Variants in TOM1L2 observed in about 807,000 individuals in gnomAD.
The protein encoded by TOM1L2 is target of myb1 like 2 membrane trafficking protein.
TOM1L2 carries 31 observed loss-of-function variants against 67.9 expected under a neutral mutation model. The observed-to-expected ratio is 0.46, with a 90% CI of 0.34 to 0.62. The LOEUF is 0.62. Ranked by LOEUF, TOM1L2 falls within the 20% of genes least tolerant of loss-of-function variation. The pLI is 0.01. For synonymous variants in TOM1L2, 256 were observed against 254.0 expected (o/e 1.01, Z -0.07); for missense variants, 606 against 663.5 (o/e 0.91, Z 0.95).
At chr17:17,884,879 A>G (rs955919743) in intron 4 of TOM1L2, 111 bp from the exon 5 acceptor site, 9 of 1,410,566 alleles carry the variant, frequency 6.4e-6, no homozygotes, top group African/African-American at 4.2e-5. Flanking sequence ...CTACTTGCAC[A>G]TGCAAATTGC....
intron 1 of TOM1L2, among the ~76,000 whole-genome samples, chr17:17,971,204 A>G (rs780267534): frequency 6.6e-6 from 1 of 152,180 alleles, no homozygotes; most frequent in Non-Finnish European, 1.5e-5. Context: ...AGCAACAGTC[A>G]ATGTGCAGAG....
At chr17:17,848,203 G>T (rs2035757672) in intron 14 of TOM1L2, among the ~76,000 whole-genome samples, 1 of 152,204 alleles carries the variant, frequency 6.6e-6, no homozygotes, top group Non-Finnish European at 1.5e-5. Context: ...GGGGAGGGGG[G>T]AGTGCCCCAT....
intron 1 of TOM1L2, among the ~76,000 whole-genome samples, chr17:17,921,853 C>T (rs748739941): frequency 1.5e-4 from 23 of 152,172 alleles, no homozygotes; most frequent in Non-Finnish European, 3.2e-4. Context: ...CTCCCAGGGG[C>T]TGTTCCCCTC....
chr17:17,929,364 G>A (rs749491298), intron 1 of TOM1L2, among the ~76,000 whole-genome samples: 4 of 152,194 alleles, frequency 2.6e-5, no homozygotes, highest in African/African-American at 7.2e-5. Context: ...GAGCCTGGGC[G>A]TGGTGGCTCA....
intron 13 of TOM1L2, among the ~76,000 whole-genome samples, chr17:17,849,481 C>T (rs889018430): frequency 1.5e-4 from 23 of 152,350 alleles, no homozygotes; most frequent in African/African-American, 3.1e-4. Flanking sequence ...CCTCCCGTGG[C>T]CCAGATTATA....
chr17:17,955,292 G>C, intron 1 of TOM1L2, among the ~76,000 whole-genome samples: 1 of 149,798 alleles, frequency 6.7e-6, no homozygotes, highest in Non-Finnish European at 1.5e-5. Context: ...ACAGCAGCTA[G>C]TGGGAACGGC....
intron 8 of TOM1L2, 148 bp downstream of exon 8, chr17:17,869,192 C>T (rs1040930067): frequency 2.8e-6 from 4 of 1,452,076 alleles, no homozygotes; most frequent in African/African-American, 2.9e-5. Flanking sequence ...TCCTGTCAGC[C>T]GGGAACAAAT....
At chr17:17,965,183 T>G (rs2145058225) in intron 1 of TOM1L2, among the ~76,000 whole-genome samples, 1 of 152,086 alleles carries the variant, frequency 6.6e-6, no homozygotes, top group East Asian at 1.9e-4. Flanking sequence ...TCCCTACCTC[T>G]GTAATGATAT....
chr17:17,946,003 G>A (rs1055805765), intron 1 of TOM1L2, among the ~76,000 whole-genome samples: 4 of 151,934 alleles, frequency 2.6e-5, no homozygotes, highest in Non-Finnish European at 5.9e-5. Context: ...TGAGTAGCTG[G>A]GACTACTGGG....
intron 1 of TOM1L2, among the ~76,000 whole-genome samples, chr17:17,954,949 G>GC (rs747662142): frequency 3.8e-4 from 58 of 152,310 alleles, no homozygotes; most frequent in Middle Eastern, 3.4e-3. Flanking sequence ...CATTTGCTCA[G>GC]CCCCTTCCTG....
intron 8 of TOM1L2, chr17:17,869,023 C>G: frequency 3.5e-6 from 1 of 284,702 alleles, no homozygotes. Flanking sequence ...GCTCTGGGGC[C>G]CAGAGGCCCC....
Position 17,972,345 on chromosome 17 carries a change from C to A in TOM1L2, c.-32G>T. The A allele has an allele frequency of 1.3e-6, 2 of 1,548,908 alleles. No homozygotes were observed. The highest frequency in any genetic ancestry group is 1.2e-5 in the South Asian group (1 of 83,968). On this transcript the variant is annotated 5_prime_UTR_variant, in exon 1 of 15. Transcript: ENST00000379504. ...TGGACAACACGCAGCGGCCCGGGCC[C>A]CCTGTCTGCCACCTAGGCCTCCGCT...
intron 11 of TOM1L2, 94 bp downstream of exon 11, chr17:17,862,637 T>C: frequency 1.9e-6 from 2 of 1,038,232 alleles, no homozygotes; most frequent in Non-Finnish European, 2.9e-6. Flanking sequence ...GTCCTGGACA[T>C]GGTAAATAAA....
chr17:17,867,587 G>T (rs566543426), intron 8 of TOM1L2, among the ~76,000 whole-genome samples: 96 of 152,216 alleles, frequency 6.3e-4, no homozygotes, highest in African/African-American at 2.2e-3. Context: ...TAGTTATGAG[G>T]TGTGTGTTGG....
chr17:17,914,553 T>G (rs1484281546), intron 1 of TOM1L2, among the ~76,000 whole-genome samples: 1 of 152,230 alleles, frequency 6.6e-6, no homozygotes, highest in Non-Finnish European at 1.5e-5. Flanking sequence ...TAACCATTGC[T>G]GACATGCATT....
At chr17:17,936,529 C>G (rs1226288429) in intron 1 of TOM1L2, among the ~76,000 whole-genome samples, 1 of 151,816 alleles carries the variant, frequency 6.6e-6, no homozygotes, top group Non-Finnish European at 1.5e-5. Flanking sequence ...AAGATATAAG[C>G]CCTAAGATGT....
intron 1 of TOM1L2, 146 bp from the exon 2 acceptor site, chr17:17,907,677 C>G: frequency 1.5e-6 from 1 of 655,638 alleles, no homozygotes; most frequent in South Asian, 1.9e-5. Flanking sequence ...GCTATTATCA[C>G]AAGAGAACAC....
At chr17:17,943,683 C>T (rs535747836) in intron 1 of TOM1L2, among the ~76,000 whole-genome samples, 1 of 152,272 alleles carries the variant, frequency 6.6e-6, no homozygotes, top group Admixed American at 6.5e-5. Context: ...CCCAGGTGGT[C>T]TGCACCAAAC....
chr17:17,893,940 C>T, intron 3 of TOM1L2, 130 bp from the exon 4 acceptor site: 1 of 878,840 alleles, frequency 1.1e-6, no homozygotes, highest in South Asian at 1.8e-5. Flanking sequence ...GACACGTCTC[C>T]TCCAGAGCCA....
Sources: allele counts gnomAD v4.1 joint callset (sites outside exome capture counted in the v4.1 genomes callset), GRCh38; gene constraint gnomAD v4.1.1; transcripts MANE v1.5; gene names NCBI Gene and HGNC (gene_info 2026-07-23, HGNC 2026-07-21).